B3GALT1: variants seen among roughly 807,000 people sequenced by gnomAD.
B3GALT1 encodes beta-1,3-galactosyltransferase 1, also known as UDP-Gal:betaGlcNAc beta 1,3-galactosyltransferase, polypeptide 1.
Under a neutral mutation model 23.2 loss-of-function variants are expected in B3GALT1, and 10 were observed. That is an observed-to-expected ratio of 0.43 (90% confidence interval 0.27 to 0.73). The LOEUF is 0.73. Ranked by LOEUF, B3GALT1 falls within the 30% of genes least tolerant of loss-of-function variation. B3GALT1 has a pLI of 0.21. For missense variants in B3GALT1, 299 were observed against 405.4 expected (o/e 0.74, Z 2.25); for synonymous variants, 156 against 141.5 (o/e 1.10, Z -0.73).
At chr2:167,365,096 A>G (rs1697567035) in intron 1 of B3GALT1, among the ~76,000 whole-genome samples, 1 of 152,156 alleles carries the variant, frequency 6.6e-6, no homozygotes, top group African/African-American at 2.4e-5. Context: ...ATATTAGGTC[A>G]CCAGCAGACT....
intron 4 of B3GALT1, among the ~76,000 whole-genome samples, chr2:167,821,333 AC>A (rs1553491288): frequency 1.3e-5 from 2 of 151,148 alleles, no homozygotes; most frequent in Non-Finnish European, 2.9e-5. Context: ...ACAAAACAAA[AC>A]CCCCAAGCAG....
At chr2:167,318,333 A>T (rs561022618) in intron 1 of B3GALT1, among the ~76,000 whole-genome samples, 136 of 152,178 alleles carry the variant, frequency 8.9e-4, no homozygotes, top group African/African-American at 3.2e-3. Flanking sequence ...ACAAACAAAC[A>T]AACAAACAAT....
intron 1 of B3GALT1, among the ~76,000 whole-genome samples, chr2:167,382,950 G>A (rs919892092): frequency 6.6e-6 from 1 of 152,012 alleles, no homozygotes; most frequent in Non-Finnish European, 1.5e-5. Flanking sequence ...TGTGTTAAAG[G>A]TACAAACCTA....
intron 4 of B3GALT1, among the ~76,000 whole-genome samples, chr2:167,827,431 C>G (rs536110413): frequency 1.3e-5 from 2 of 152,140 alleles, no homozygotes; most frequent in Non-Finnish European, 2.9e-5. Context: ...GCCCTTGGGC[C>G]CCCTAAATTC....
intron 2 of B3GALT1, among the ~76,000 whole-genome samples, chr2:167,504,175 C>T (rs1319083934): frequency 6.7e-6 from 1 of 148,912 alleles, no homozygotes; most frequent in Non-Finnish European, 1.5e-5. Flanking sequence ...TACTTGATCA[C>T]ATTGAAGTTT....
rs572313617 is a variant in B3GALT1 at position 167,681,352 on chromosome 2, C to T, written c.-352+34386C>T. On this transcript the variant is annotated intron_variant, in intron 3 of 4. Coordinates refer to ENST00000392690, the MANE Select transcript of B3GALT1 (RefSeq NM_020981.4). ...GACCCAAATCGTCTGTGAAATACCT[C>T]CCCATCCTTTCAACCCCAGTGAATC... 3.3e-5 allele frequency among the ~76,000 whole-genome samples: 5 copies of T among 152,246 alleles called. 1 individual carries two copies. Among genetic ancestry groups the T allele is most frequent in the African/African-American group, 7.2e-5 (3 of 41,550 alleles).
At chr2:167,834,778 G>A (rs1379210932) in intron 4 of B3GALT1, among the ~76,000 whole-genome samples, 2 of 152,082 alleles carry the variant, frequency 1.3e-5, no homozygotes, top group African/African-American at 2.4e-5. Context: ...GAACCTAGGA[G>A]GTGGAGGTTG....
intron 3 of B3GALT1, among the ~76,000 whole-genome samples, chr2:167,785,152 A>T (rs1688320193): frequency 6.6e-6 from 1 of 152,348 alleles, no homozygotes; most frequent in South Asian, 2.1e-4. Context: ...AATATTCACC[A>T]TTTGAATCAA....
chr2:167,668,398 C>A (rs1470981647), intron 3 of B3GALT1, among the ~76,000 whole-genome samples: 3 of 152,156 alleles, frequency 2.0e-5, no homozygotes, highest in African/African-American at 4.8e-5. Context: ...TTACTGCTAT[C>A]TTTTGTTTGT....
At chr2:167,366,080 A>G (rs901883376) in intron 1 of B3GALT1, among the ~76,000 whole-genome samples, 4 of 152,244 alleles carry the variant, frequency 2.6e-5, no homozygotes, top group Non-Finnish European at 4.4e-5. Context: ...TAAAGTTTGA[A>G]AAAATATTTG....
intron 1 of B3GALT1, among the ~76,000 whole-genome samples, chr2:167,432,870 A>G (rs562724025): frequency 6.6e-6 from 1 of 152,312 alleles, no homozygotes; most frequent in South Asian, 2.1e-4. Context: ...CCTCCCCATT[A>G]TCAACATCTT....
intron 3 of B3GALT1, among the ~76,000 whole-genome samples, chr2:167,684,972 A>C (rs149531034): frequency 5.4e-4 from 83 of 152,342 alleles, no homozygotes; most frequent in Middle Eastern, 3.4e-3. Context: ...CTTAAATCTG[A>C]AAATGAGTCC....
intron 2 of B3GALT1, among the ~76,000 whole-genome samples, chr2:167,542,648 A>C (rs1048220563): frequency 1.3e-5 from 2 of 152,184 alleles, no homozygotes; most frequent in Non-Finnish European, 2.9e-5. Context: ...ATTCTCAAAA[A>C]TTTTTGAGAA....
intron 3 of B3GALT1, among the ~76,000 whole-genome samples, chr2:167,724,005 T>C (rs758009493): frequency 6.6e-6 from 1 of 152,216 alleles, no homozygotes; most frequent in Admixed American, 6.5e-5. Flanking sequence ...TTTTTACATT[T>C]GATACATCTA....
intron 3 of B3GALT1, among the ~76,000 whole-genome samples, chr2:167,706,462 G>T (rs879437655): frequency 1.1e-4 from 16 of 152,284 alleles, no homozygotes; most frequent in Non-Finnish European, 1.8e-4. Flanking sequence ...TCCTATTTGG[G>T]TATTCCTTAT....
At chr2:167,640,525 A>C (rs1685633663) in intron 2 of B3GALT1, among the ~76,000 whole-genome samples, 1 of 141,428 alleles carries the variant, frequency 7.1e-6, no homozygotes, top group South Asian at 2.4e-4. Context: ...TCTTTAATTC[A>C]CTTGTTTTAC....
At chr2:167,734,867 A>G (rs192512868) in intron 3 of B3GALT1, among the ~76,000 whole-genome samples, 39 of 151,968 alleles carry the variant, frequency 2.6e-4, no homozygotes, top group African/African-American at 8.9e-4. Context: ...TTTTCCATCC[A>G]TCTTTCTTTG....
chr2:167,666,200 A>G (rs990479022), intron 3 of B3GALT1, among the ~76,000 whole-genome samples: 2 of 152,132 alleles, frequency 1.3e-5, no homozygotes, highest in African/African-American at 4.8e-5. Flanking sequence ...CCTTCATTTC[A>G]TTATGTACCC....
At chr2:167,717,230 T>C (rs1019831680) in intron 3 of B3GALT1, among the ~76,000 whole-genome samples, 5 of 133,758 alleles carry the variant, frequency 3.7e-5, no homozygotes, top group South Asian at 2.3e-4. Context: ...CTTTCTTTCC[T>C]TTATATTGAT....
Sources: gnomAD v4.1 joint callset for allele counts (sites outside exome capture counted in the v4.1 genomes callset) on GRCh38, gnomAD v4.1.1 for gene constraint, MANE v1.5 for transcripts, NCBI Gene and HGNC (gene_info 2026-07-23, HGNC 2026-07-21) for gene names.